The following TFPI variants were observed in gnomAD, a reference collection of about 807,000 sequenced individuals.
The protein encoded by TFPI is anti-convertin.
Under a neutral mutation model 34.6 loss-of-function variants are expected in TFPI, and 15 were observed. The ratio of observed to expected loss-of-function variants is 0.43; its 90% CI spans 0.29 to 0.67. The LOEUF (loss-of-function observed/expected upper bound fraction) is 0.67. Ranked by LOEUF, TFPI falls within the 30% of genes least tolerant of loss-of-function variation. TFPI has a pLI of 0.15. For synonymous variants in TFPI, 105 were observed against 120.1 expected, an observed-to-expected ratio of 0.87 and a Z score of 0.82; for missense variants, 301 against 364.0, an observed-to-expected ratio of 0.83 and a Z score of 1.41.
At chr2:187,529,049 C>A (rs1387000114) in intron 1 of TFPI, among the ~76,000 whole-genome samples, 1 of 151,902 alleles carries the variant, frequency 6.6e-6, no homozygotes, top group African/African-American at 2.4e-5. Context: ...ACTGAACATA[C>A]AATATTATAA....
intron 1 of TFPI, among the ~76,000 whole-genome samples, chr2:187,541,917 G>A (rs140910636): frequency 3.3e-4 from 50 of 152,268 alleles, no homozygotes; most frequent in Middle Eastern, 3.4e-3. Flanking sequence ...AATGTCTAAC[G>A]CACAGAGTGT....
intron 1 of TFPI, among the ~76,000 whole-genome samples, chr2:187,538,788 CATA>C (rs1559155670): frequency 6.6e-6 from 1 of 152,050 alleles, no homozygotes; most frequent in Non-Finnish European, 1.5e-5. Context: ...TTAATGGCTG[CATA>C]ATATTTTTTG....
Position 187,503,636 on chromosome 2 carries a change from C to G in TFPI, c.121+12G>C. The G allele has an allele frequency of 1.9e-6, 3 of 1,609,720 alleles. No individual in the cohort carries two copies. Among genetic ancestry groups the G allele is most frequent in the Non-Finnish European group, 2.5e-6 (3 of 1,177,914 alleles). On this transcript the variant is annotated intron_variant, in intron 2 of 7. Coordinates refer to ENST00000233156, the MANE Select transcript of TFPI (RefSeq NM_006287.6). ...AACTAGCTTAAAAAGATAATTGCTTCTAATATTTTACCTGTGATAATTGTG... is the reference window on the plus strand; with the variant it reads ...AACTAGCTTAAAAAGATAATTGCTTGTAATATTTTACCTGTGATAATTGTG...
intron 1 of TFPI, chr2:187,520,633 C>G (rs1687318956): frequency 6.6e-6 from 1 of 152,000 alleles, no homozygotes; most frequent in African/African-American, 2.4e-5. Context: ...GGAAGAAAGT[C>G]ACTACATATA....
At chr2:187,536,582 T>C (rs1383267482) in intron 1 of TFPI, among the ~76,000 whole-genome samples, 1 of 152,198 alleles carries the variant, frequency 6.6e-6, no homozygotes, top group South Asian at 2.1e-4. Context: ...ATAGAATGCA[T>C]CTCAAAATAA....
At chr2:187,510,629 C>A (rs1016641774) in intron 1 of TFPI, among the ~76,000 whole-genome samples, 1 of 152,172 alleles carries the variant, frequency 6.6e-6, no homozygotes, top group Non-Finnish European at 1.5e-5. Flanking sequence ...AGTTAAAGAT[C>A]GACCCCTGAC....
At chr2:187,508,366 C>G (rs975559817) in intron 1 of TFPI, among the ~76,000 whole-genome samples, 1 of 152,150 alleles carries the variant, frequency 6.6e-6, no homozygotes. Context: ...TCAATGGTAG[C>G]TTAATTGGGA....
chr2:187,546,754 A>C (rs1688887967), intron 1 of TFPI: 1 of 152,184 alleles, frequency 6.6e-6, no homozygotes, highest in African/African-American at 2.4e-5. Flanking sequence ...TGAGATAAGC[A>C]AATGGTATTT....
intron 1 of TFPI, among the ~76,000 whole-genome samples, chr2:187,532,614 G>A (rs1479184660): frequency 1.3e-5 from 2 of 152,122 alleles, no homozygotes; most frequent in Non-Finnish European, 2.9e-5. Flanking sequence ...GCGTGCTTAC[G>A]CCATTGAGGC....
chr2:187,505,087 T>C (rs540751515), intron 1 of TFPI, among the ~76,000 whole-genome samples: 39 of 151,684 alleles, frequency 2.6e-4, no homozygotes, highest in African/African-American at 9.0e-4. Flanking sequence ...TTTTGAAGAA[T>C]CTTGAAACTA....
At chr2:187,477,087 A>T (rs1692425180) in intron 6 of TFPI, among the ~76,000 whole-genome samples, 2 of 152,140 alleles carry the variant, frequency 1.3e-5, no homozygotes, top group South Asian at 2.1e-4. Context: ...GACTTTTATG[A>T]CTGGGGCAAC....
At chr2:187,509,272 G>T (rs1338658188) in intron 1 of TFPI, among the ~76,000 whole-genome samples, 3 of 152,080 alleles carry the variant, frequency 2.0e-5, no homozygotes, top group African/African-American at 7.2e-5. Flanking sequence ...TTGTTGTTGT[G>T]TGTCTTCCAG....
intron 1 of TFPI, among the ~76,000 whole-genome samples, chr2:187,543,265 A>AT (rs1216150070): frequency 1.3e-5 from 2 of 152,220 alleles, no homozygotes; most frequent in African/African-American, 4.8e-5. Context: ...AACAATGTAG[A>AT]TTTCCAACAT....
chr2:187,515,054 T>A (rs1214113508), intron 1 of TFPI: 1 of 151,638 alleles, frequency 6.6e-6, no homozygotes, highest in African/African-American at 2.4e-5. Flanking sequence ...GAAAAAAAAA[T>A]GGCGGTTAGA....
intron 1 of TFPI, chr2:187,518,944 T>A (rs1358773194): frequency 6.6e-6 from 1 of 152,250 alleles, no homozygotes; most frequent in Admixed American, 6.5e-5. Context: ...CAGCTATTGA[T>A]ACTTGTGTAT....
At chr2:187,528,897 C>A (rs543168770) in intron 1 of TFPI, among the ~76,000 whole-genome samples, 28 of 151,326 alleles carry the variant, frequency 1.9e-4, no homozygotes, top group African/African-American at 6.8e-4. Flanking sequence ...ATATTTAACA[C>A]TGATGTATAG....
intron 6 of TFPI, among the ~76,000 whole-genome samples, chr2:187,477,842 A>G (rs1010678662): frequency 1.3e-5 from 2 of 152,176 alleles, no homozygotes; most frequent in Admixed American, 1.3e-4. Context: ...GAGGTCATAC[A>G]TTGAATACAT....
intron 5 of TFPI, 155 bp from the exon 6 acceptor site, chr2:187,484,371 G>A: frequency 1.6e-6 from 1 of 617,802 alleles, no homozygotes; most frequent in Non-Finnish European, 2.8e-6. Context: ...AAATATAATT[G>A]TAAGGTAATA....
At chr2:187,489,384 G>GT (rs1684951589) in intron 3 of TFPI, among the ~76,000 whole-genome samples, 1 of 65,506 alleles carries the variant, frequency 1.5e-5, no homozygotes, top group African/African-American at 8.5e-5. Context: ...AAAAAAAGAG[G>GT]TGTGTGTGTG....
Sources: allele counts gnomAD v4.1 joint callset (sites outside exome capture counted in the v4.1 genomes callset), GRCh38; gene constraint gnomAD v4.1.1; transcripts MANE v1.5; gene names NCBI Gene and HGNC (gene_info 2026-07-23, HGNC 2026-07-21).